Variants in DPP6 observed in about 807,000 individuals in gnomAD.
The protein encoded by DPP6 is A-type potassium channel modulatory protein DPP6.
A neutral mutation model predicts 122.6 loss-of-function variants in DPP6; 69 were observed. The observed-to-expected ratio is 0.56, with a 90% CI of 0.46 to 0.69. DPP6 has a LOEUF of 0.69. Ranked by LOEUF, DPP6 falls within the 30% of genes least tolerant of loss-of-function variation. The pLI is 0.00. For synonymous variants in DPP6, 418 were observed against 433.1 expected (o/e 0.97, Z 0.43); for missense variants, 928 against 1,116.9 (o/e 0.83, Z 2.41).
chr7:154,248,653 A>C (rs62485760), intron 1 of DPP6, among the ~76,000 whole-genome samples: 1 of 152,012 alleles, frequency 6.6e-6, no homozygotes, highest in Non-Finnish European at 1.5e-5. Flanking sequence ...ATCACTTGAC[A>C]TCAGGAGTCT....
intron 1 of DPP6, among the ~76,000 whole-genome samples, chr7:153,963,842 T>C (rs994892731): frequency 1.3e-5 from 2 of 152,030 alleles, no homozygotes; most frequent in Non-Finnish European, 2.9e-5. Flanking sequence ...GCCAGAAAAT[T>C]TGGGGACTGC....
At chr7:153,933,698 CT>C (rs1801285908) in intron 1 of DPP6, among the ~76,000 whole-genome samples, 1 of 152,000 alleles carries the variant, frequency 6.6e-6, no homozygotes, top group Admixed American at 6.6e-5. Context: ...CTCTCTCTCT[CT>C]CTCTCTCACA....
chr7:154,322,649 G>A (rs200237697), intron 1 of DPP6, among the ~76,000 whole-genome samples: 7 of 152,222 alleles, frequency 4.6e-5, no homozygotes, highest in East Asian at 1.9e-4. Context: ...AGCAGCATCC[G>A]ATAGAACAGA....
At chr7:154,336,332 C>T (rs550249028) in intron 1 of DPP6, among the ~76,000 whole-genome samples, 125 of 152,234 alleles carry the variant, frequency 8.2e-4, no homozygotes, top group Non-Finnish European at 1.4e-3. Flanking sequence ...GTGGTGGTGC[C>T]GGGATGGTAT....
intron 1 of DPP6, among the ~76,000 whole-genome samples, chr7:154,013,307 C>T (rs1302347070): frequency 1.3e-5 from 2 of 152,184 alleles, no homozygotes; most frequent in Non-Finnish European, 2.9e-5. Flanking sequence ...ACAAATCTCT[C>T]CTACTTCATT....
chr7:154,813,877 CTTTTTTTTT>C (rs35188883), intron 16 of DPP6, among the ~76,000 whole-genome samples: 3 of 94,470 alleles, frequency 3.2e-5, no homozygotes, highest in Non-Finnish European at 5.8e-5. Context: ...AAGCACATTT[CTTTTTTTTT>C]TTTTTTTTTT....
chr7:154,464,010 A>G (rs1213822680), intron 2 of DPP6, among the ~76,000 whole-genome samples: 1 of 152,166 alleles, frequency 6.6e-6, no homozygotes, highest in Non-Finnish European at 1.5e-5. Flanking sequence ...GCTCTGAGCC[A>G]AGAACAGCAC....
rs58778330 is a variant in DPP6, at chr7:154,765,327, T to G, written c.884-4090T>G. ...TCCTGCCTGAAGTGCAGCCTCAGCA[T>G]CTGTATAAGCAGCACACACATGCGC... On this transcript the variant is annotated intron_variant, in intron 8 of 25. Coordinates refer to ENST00000377770, the MANE Select transcript of DPP6 (RefSeq NM_130797.4). Among the ~76,000 whole-genome samples the G allele has an allele frequency of 4.3e-3, 657 of 152,274 alleles. 5 individuals are homozygous for G. The East Asian group carries it at 0.047, about 11-fold the overall frequency.
Position 154,893,766 on chromosome 7 carries a change from C to T in DPP6, c.*1286C>T, listed in dbSNP as rs1221286625. 1 of 152,256 alleles carries T rather than the reference C, an allele frequency of 6.6e-6. No homozygotes were observed. Among genetic ancestry groups the T allele is most frequent in the Non-Finnish European group, 1.5e-5 (1 of 68,072 alleles). 9.4% of individuals were successfully genotyped at this position (152,256 alleles called of 1,614,324 possible). On this transcript the variant is annotated 3_prime_UTR_variant, in exon 26 of 26. Coordinates refer to ENST00000377770, the MANE Select transcript of DPP6 (RefSeq NM_130797.4). The stretch of plus-strand genomic sequence containing the variant: ...GTGCAGTCAACCCAGCCTCCTCCCG[C>T]CAGTGCTAACCCCGTGTTGAGCCTG...
At position 154,194,263 on chromosome 7, in the gene DPP6, C is replaced by G. The variant is rs139585562; in HGVS notation, c.243+141200C>G. Among the ~76,000 whole-genome samples, 681 of 152,226 alleles carry G rather than the reference C, an allele frequency of 4.5e-3. 8 individuals are homozygous for G. Among genetic ancestry groups the G allele is most frequent in the African/African-American group, 0.016 (662 of 41,524 alleles). On this transcript the variant is annotated intron_variant, in intron 1 of 25. Transcript: ENST00000377770. ...GTGCAAGGCAAAGAGACACAAAAAT[C>G]TAGATGTCAGAAAGAAAATATAACC...
At chr7:154,874,689 C>T (rs994366184) in intron 19 of DPP6, among the ~76,000 whole-genome samples, 3 of 152,310 alleles carry the variant, frequency 2.0e-5, no homozygotes, top group East Asian at 1.9e-4. Context: ...TGCCCGTGGT[C>T]GAAGCAGTCA....
chr7:154,533,048 A>G (rs1000123346), intron 3 of DPP6, among the ~76,000 whole-genome samples: 2 of 152,208 alleles, frequency 1.3e-5, no homozygotes, highest in African/African-American at 4.8e-5. Flanking sequence ...AGGCCTTGCT[A>G]AGTTCCCCAT....
At position 154,876,096 on chromosome 7, in the gene DPP6, G is replaced by A. The variant is rs757503030; in HGVS notation, c.2074G>A (p.Val692Met). 11 of 1,584,674 alleles carry A rather than the reference G, an allele frequency of 6.9e-6. No individual in the cohort carries two copies. The highest frequency in any genetic ancestry group is 1.7e-5 in the Admixed American group (1 of 58,560). Residue 692 changes from valine to methionine, a missense_variant, in exon 20 of 26, where the codon GTG (valine) becomes ATG (methionine). Transcript: ENST00000377770. ...GGAGGAGAAGGACCAGATGGAGGCC[G>A]TGCGGTGAGCACCCGCCCAGGAAGC... ...LLEEKDQMEAVRTMLKEQYID... is the reference protein window; with the variant it reads ...LLEEKDQMEAMRTMLKEQYID...
At chr7:154,617,640 C>T (rs924097635) in intron 5 of DPP6, among the ~76,000 whole-genome samples, 20 of 152,106 alleles carry the variant, frequency 1.3e-4, no homozygotes, top group African/African-American at 4.1e-4. Flanking sequence ...GATGGATGGA[C>T]AAATGTATGT....
intron 7 of DPP6, among the ~76,000 whole-genome samples, chr7:154,716,937 G>A (rs1036691706): frequency 3.9e-5 from 6 of 152,024 alleles, no homozygotes; most frequent in Non-Finnish European, 5.9e-5. Context: ...AGGTTCAAGC[G>A]ATTCTCCTGC....
intron 10 of DPP6, among the ~76,000 whole-genome samples, chr7:154,777,648 G>A (rs1796666587): frequency 6.6e-6 from 1 of 152,196 alleles, no homozygotes; most frequent in African/African-American, 2.4e-5. Context: ...CAGATAGCCA[G>A]CACGATCATT....
intron 5 of DPP6, among the ~76,000 whole-genome samples, chr7:154,576,011 A>T (rs1383060532): frequency 6.6e-6 from 1 of 152,062 alleles, no homozygotes; most frequent in Non-Finnish European, 1.5e-5. Context: ...GACAGGGGGA[A>T]GTCCTAATGA....
chr7:154,222,757 AT>A (rs1019526213), intron 1 of DPP6, among the ~76,000 whole-genome samples: 4 of 149,272 alleles, frequency 2.7e-5, no homozygotes, highest in African/African-American at 1.0e-4. Context: ...TTTCCTGCAT[AT>A]TTTGTCTGCC....
chr7:154,685,872 T>A (rs1364713054), intron 7 of DPP6, among the ~76,000 whole-genome samples: 1 of 152,222 alleles, frequency 6.6e-6, no homozygotes, highest in Non-Finnish European at 1.5e-5. Flanking sequence ...GAAGTCATTG[T>A]CCAAATCATT....
Sources: allele counts gnomAD v4.1 joint callset (sites outside exome capture counted in the v4.1 genomes callset), GRCh38; gene constraint gnomAD v4.1.1; transcripts MANE v1.5; gene names NCBI Gene and HGNC (gene_info 2026-07-23, HGNC 2026-07-21).